Variants in INSC observed in about 807,000 individuals in gnomAD.
INSC encodes the protein INSC spindle orientation adaptor protein.
In INSC, 67 loss-of-function variants were observed where a neutral mutation model predicts 58.6. The observed-to-expected ratio is 1.14, with a 90% CI of 0.94 to 1.40. The LOEUF (loss-of-function observed/expected upper bound fraction) is 1.40. INSC is among the 40% of genes most tolerant of loss of function. The pLI is 0.00. For missense variants in INSC, 714 were observed against 692.0 expected (o/e 1.03, Z -0.36); for synonymous variants, 262 against 276.1 (o/e 0.95, Z 0.51).
At chr11:15,163,945 A>G (rs1417912193) in intron 2 of INSC, among the ~76,000 whole-genome samples, 1 of 151,976 alleles carries the variant, frequency 6.6e-6, no homozygotes, top group Non-Finnish European at 1.5e-5. Context: ...TTTGCATTTG[A>G]TTTTAAAGGC....
chr11:15,215,674 T>C lies in INSC; in HGVS notation c.820-5803T>C, dbSNP rs1311272293. Among the ~76,000 whole-genome samples the C allele has an allele frequency of 2.6e-5, 4 of 152,156 alleles. No individual in the cohort carries two copies. The East Asian group carries it at 7.7e-4, about 29-fold the overall frequency. On this transcript the variant is annotated intron_variant, in intron 7 of 12. Transcript: ENST00000379556. ...AGGCCTCAGCTGGATGCTGAGGATC[T>C]AGAGAAAATTTGGTATAAGAACTGC... is the stretch of plus-strand genomic sequence containing the variant.
chr11:15,208,245 A>G (rs1051101318), intron 7 of INSC, among the ~76,000 whole-genome samples: 17 of 152,196 alleles, frequency 1.1e-4, no homozygotes, highest in Non-Finnish European at 1.9e-4. Flanking sequence ...CAACCCATCT[A>G]GGATTATCAG....
chr11:15,232,447 C>T (rs1407151462), intron 9 of INSC, among the ~76,000 whole-genome samples: 1 of 152,178 alleles, frequency 6.6e-6, no homozygotes, highest in Non-Finnish European at 1.5e-5. Context: ...TATTTAGAGA[C>T]GGAGTCTTGT....
chr11:15,165,605 T>A (rs1185153452), intron 2 of INSC, among the ~76,000 whole-genome samples: 3 of 152,166 alleles, frequency 2.0e-5, no homozygotes, highest in East Asian at 3.9e-4. Context: ...GTCTTCACCA[T>A]GCCTAGAAGA....
intron 1 of INSC, among the ~76,000 whole-genome samples, chr11:15,136,990 T>C (rs1848259617): frequency 6.6e-6 from 1 of 152,200 alleles, no homozygotes; most frequent in African/African-American, 2.4e-5. Flanking sequence ...TCTTAAATAA[T>C]AAGACTTGAA....
At chr11:15,184,855 A>G (rs1311345426) in intron 5 of INSC, among the ~76,000 whole-genome samples, 1 of 152,244 alleles carries the variant, frequency 6.6e-6, no homozygotes, top group African/African-American at 2.4e-5. Flanking sequence ...CAAGCTTTCA[A>G]CAAAACATAT....
chr11:15,135,888 T>TG (rs1360054460), intron 1 of INSC, among the ~76,000 whole-genome samples: 70 of 152,204 alleles, frequency 4.6e-4, no homozygotes, highest in Non-Finnish European at 5.9e-5. Flanking sequence ...TGGTATCTAA[T>TG]GAAGCCATTC....
intron 5 of INSC, among the ~76,000 whole-genome samples, chr11:15,179,232 T>C (rs1051827174): frequency 6.6e-6 from 1 of 152,208 alleles, no homozygotes; most frequent in Non-Finnish European, 1.5e-5. Flanking sequence ...GTTTAGCACA[T>C]AGTGTGGGTT....
upstream of INSC, chr11:15,112,544 G>A (rs755095778): frequency 3.1e-6 from 5 of 1,610,340 alleles, no homozygotes; most frequent in Admixed American, 8.4e-5. Flanking sequence ...GAGTCCAGGA[G>A]TCCAGGAGGC....
chr11:15,261,716 A>G, the INSC span, among the ~76,000 whole-genome samples: 1,071 of 152,324 alleles, frequency 7.0e-3, 12 homozygotes, highest in South Asian at 0.013. Flanking sequence ...TGGTTCTAGC[A>G]CAAGTTAAGA....
intron 1 of INSC, among the ~76,000 whole-genome samples, chr11:15,129,275 G>A (rs530787820): frequency 5.9e-5 from 9 of 152,046 alleles, no homozygotes; most frequent in Non-Finnish European, 1.2e-4. Context: ...TTGCTGTTCT[G>A]TTCTCTATGT....
At chr11:15,264,095 C>T in the INSC span, among the ~76,000 whole-genome samples, 35 of 132,720 alleles carry the variant, frequency 2.6e-4, no homozygotes, top group Middle Eastern at 0.013. Flanking sequence ...TACTCTTTTT[C>T]AAAGGTCAGT....
chr11:15,125,905 G>A (rs760211907), intron 1 of INSC, among the ~76,000 whole-genome samples: 10 of 152,210 alleles, frequency 6.6e-5, no homozygotes, highest in Non-Finnish European at 1.5e-4. Flanking sequence ...CTGGGTGGAA[G>A]CCACATTTAA....
chr11:15,198,678 G>A (rs1031116465), intron 6 of INSC, among the ~76,000 whole-genome samples: 15 of 151,890 alleles, frequency 9.9e-5, no homozygotes, highest in Non-Finnish European at 4.4e-5. Context: ...CCATATATAT[G>A]TATATATATT....
At position 15,200,952 on chromosome 11, in the gene INSC, A is replaced by G. The variant is rs371706776; in HGVS notation, c.819+3A>G. ...AGGGTGTCCACCAGCTGGAGAAGGT[A>G]AGGACAGCTGGCTGGGTGGTGCCTG... On this transcript the variant is annotated splice_donor_region_variant and intron_variant, in intron 7 of 12. Transcript: ENST00000379556. The G allele has an allele frequency of 1.1e-3, 1,755 of 1,597,858 alleles. 28 individuals carry two copies. In the South Asian group the frequency reaches 0.018, roughly 17 times the overall value.
chr11:15,185,681 T>C (rs1849938166), intron 5 of INSC, among the ~76,000 whole-genome samples: 1 of 152,142 alleles, frequency 6.6e-6, no homozygotes, highest in Admixed American at 6.5e-5. Context: ...TAATGAATGA[T>C]GCAGAATGTT....
intron 6 of INSC, among the ~76,000 whole-genome samples, chr11:15,193,815 G>C (rs1245887335): frequency 1.3e-5 from 2 of 152,166 alleles, no homozygotes; most frequent in Non-Finnish European, 2.9e-5. Context: ...CCAGTAATGG[G>C]ATGGCTGGGT....
At chr11:15,170,187 A>G (rs538468748) in intron 2 of INSC, among the ~76,000 whole-genome samples, 1 of 152,114 alleles carries the variant, frequency 6.6e-6, no homozygotes, top group East Asian at 1.9e-4. Context: ...TGTTTTTTTG[A>G]ATAATTTCAA....
intron 1 of INSC, among the ~76,000 whole-genome samples, chr11:15,134,638 A>G (rs1167119887): frequency 1.3e-5 from 2 of 152,330 alleles, no homozygotes; most frequent in South Asian, 4.1e-4. Flanking sequence ...CCATGTGTGT[A>G]GCACATTCAT....
Sources: gnomAD v4.1 joint callset for allele counts (sites outside exome capture counted in the v4.1 genomes callset) on GRCh38, gnomAD v4.1.1 for gene constraint, MANE v1.5 for transcripts, NCBI Gene and HGNC (gene_info 2026-07-23, HGNC 2026-07-21) for gene names.